Variants in PDE4DIP observed in about 807,000 individuals in gnomAD.
The protein encoded by PDE4DIP is myomegalin.
A neutral mutation model predicts 221.4 loss-of-function variants in PDE4DIP; 59 were observed. The observed-to-expected ratio is 0.27, with a 90% CI of 0.22 to 0.33. The LOEUF (loss-of-function observed/expected upper bound fraction) is 0.33. Among genes scored for constraint, PDE4DIP ranks in the 10% least tolerant of loss-of-function variants. The pLI is 1.00. For missense variants in PDE4DIP, 1,036 were observed against 2,154.2 expected, an observed-to-expected ratio of 0.48 and a Z score of 10.28; for synonymous variants, 404 against 815.9, an observed-to-expected ratio of 0.50 and a Z score of 8.60.
chr1:148,844,312 G>C (rs2150140007), intron 1 of PDE4DIP, 116 bp from the exon 1 acceptor site: 1 of 670,816 alleles, frequency 1.5e-6, no homozygotes. Flanking sequence ...GAGACGCGAG[G>C]GTGGTTCAGG....
At chr1:149,015,439 T>C (rs1216012521) in intron 32 of PDE4DIP, among the ~76,000 whole-genome samples, 2 of 152,026 alleles carry the variant, frequency 1.3e-5, no homozygotes, top group African/African-American at 2.4e-5. Context: ...CTGCTGCCCA[T>C]GTTCATAATC....
intron 1 of PDE4DIP, among the ~76,000 whole-genome samples, chr1:148,905,186 T>TTTG (rs1479681794): frequency 4.8e-5 from 7 of 145,924 alleles, no homozygotes; most frequent in Non-Finnish European, 1.1e-4. Context: ...AGGTTTTTTT[T>TTTG]TTTTTTTTTT....
chr1:148,905,183 T>C (rs1166292275), intron 1 of PDE4DIP, among the ~76,000 whole-genome samples: 2 of 145,404 alleles, frequency 1.4e-5, no homozygotes, highest in Non-Finnish European at 3.0e-5. Flanking sequence ...TCTAGGTTTT[T>C]TTTTTTTTTT....
chr1:148,827,357 C>G (rs1424226802), intron 1 of PDE4DIP, among the ~76,000 whole-genome samples: 1 of 105,120 alleles, frequency 9.5e-6, no homozygotes, highest in Non-Finnish European at 2.1e-5. Flanking sequence ...CGGATTCACG[C>G]CATTCTCCTG....
chr1:148,844,640 G>T (rs367568901), intron 1 of PDE4DIP: 6,132 of 47,716 alleles, frequency 0.13, 18 homozygotes, highest in Middle Eastern at 0.22. Context: ...CTTCGCCGCC[G>T]ACGCAGAAAG....
intron 21 of PDE4DIP, chr1:148,982,566 T>C (rs2061297770): frequency 6.6e-6 from 1 of 152,220 alleles, no homozygotes; most frequent in East Asian, 1.9e-4. Flanking sequence ...GTATTTCTGA[T>C]GTCTTGAATG....
rs374466865 is a variant in PDE4DIP at position 149,032,107 on chromosome 1, T to C, written c.*122T>C. On this transcript the variant is annotated 3_prime_UTR_variant, in exon 44 of 44. Coordinates refer to ENST00000369354, the Ensembl canonical transcript of PDE4DIP. The stretch of plus-strand genomic sequence containing the variant: ...TCTGCTGAGGAGCATCTGGGCCTCA[T>C]TCCTCCAAGTCCACGGGAGGGTCCA... 3,423 of 1,586,016 alleles carry C rather than the reference T, an allele frequency of 2.2e-3. 4 individuals are homozygous for C. Among genetic ancestry groups the C allele is most frequent in the Non-Finnish European group, 2.7e-3 (3,138 of 1,164,250 alleles).
chr1:148,933,236 C>A (rs1395734143), intron 4 of PDE4DIP, among the ~76,000 whole-genome samples: 3 of 151,852 alleles, frequency 2.0e-5, no homozygotes, highest in Admixed American at 2.0e-4. Context: ...AGGAAATATT[C>A]TATGCAGAAG....
At chr1:148,952,309 T>G (rs1229499400) in intron 5 of PDE4DIP, 12 of 1,003,708 alleles carry the variant, frequency 1.2e-5, no homozygotes, top group Non-Finnish European at 1.3e-5. Context: ...CTGACCGGAC[T>G]ACAGCTCCCA....
intron 32 of PDE4DIP, among the ~76,000 whole-genome samples, chr1:149,015,180 G>A (rs2070013307): frequency 6.6e-6 from 1 of 151,824 alleles, no homozygotes; most frequent in Non-Finnish European, 1.5e-5. Flanking sequence ...TACCTAAAAT[G>A]AATTTAAAAC....
At chr1:148,922,811 T>C (rs1321675460) in intron 1 of PDE4DIP, among the ~76,000 whole-genome samples, 1 of 150,806 alleles carries the variant, frequency 6.6e-6, no homozygotes, top group Non-Finnish European at 1.5e-5. Context: ...ATGGTCTCAT[T>C]TCCTGACCTC....
At chr1:148,895,627 AC>A (rs2038976759) in intron 1 of PDE4DIP, among the ~76,000 whole-genome samples, 1 of 108,058 alleles carries the variant, frequency 9.3e-6, no homozygotes, top group South Asian at 3.6e-4. Context: ...AAATTGAGAG[AC>A]GGCAAACTTA....
At chr1:149,016,307 A>G in exon 33 of PDE4DIP, 1 of 1,613,790 alleles carries the variant, frequency 6.2e-7, no homozygotes, top group Non-Finnish European at 8.5e-7. Flanking sequence ...AGGTGCCAGC[A>G]CTGTTCCTCC....
At chr1:148,885,885 A>G (rs1425646220), upstream of PDE4DIP, among the ~76,000 whole-genome samples, 12 of 113,498 alleles carry the variant, frequency 1.1e-4, no homozygotes, top group Admixed American at 7.5e-4. Context: ...ATACTACCAT[A>G]TATGTTATTA....
At position 148,969,031 on chromosome 1, in the gene PDE4DIP, G is replaced by A. The variant is rs1276656427; in HGVS notation, c.1980+1G>A. 6.2e-7 allele frequency: 1 copy of A among 1,603,290 alleles called. No homozygotes were observed. Among genetic ancestry groups the A allele is most frequent in the Non-Finnish European group, 8.5e-7 (1 of 1,170,326 alleles). On this transcript the variant is annotated splice_donor_variant, in intron 14 of 43. Coordinates refer to ENST00000369354, the Ensembl canonical transcript of PDE4DIP. LOFTEE classifies it high-confidence loss of function. ...GAGCACCAGGGAGCAGGAAAGCCAA[G>A]TAAGGATTAATGCACAGATCAGACA...
At chr1:148,926,853 A>G (rs1421471786) in intron 1 of PDE4DIP, among the ~76,000 whole-genome samples, 1 of 146,638 alleles carries the variant, frequency 6.8e-6, no homozygotes, top group South Asian at 2.2e-4. Context: ...TTACTGATTC[A>G]TCAATTGGTA....
intron 5 of PDE4DIP, chr1:148,951,902 G>A: frequency 2.7e-6 from 1 of 374,370 alleles, no homozygotes; most frequent in Non-Finnish European, 3.7e-6. Flanking sequence ...CCGTTACCAA[G>A]CCTTCCCTCG....
At chr1:148,979,939 G>T in intron 20 of PDE4DIP, 90 bp downstream of exon 23, 1 of 1,476,032 alleles carries the variant, frequency 6.8e-7, no homozygotes, top group Non-Finnish European at 9.2e-7. Flanking sequence ...TTCATTAAGT[G>T]CAGATGCTTA....
chr1:148,952,224 C>T, intron 5 of PDE4DIP: 1 of 1,022,204 alleles, frequency 9.8e-7, no homozygotes, highest in Non-Finnish European at 1.2e-6. Flanking sequence ...CCGCACTCGC[C>T]GTGAGCCAGG....
Sources: gnomAD v4.1 joint callset for allele counts (sites outside exome capture counted in the v4.1 genomes callset) on GRCh38, gnomAD v4.1.1 for gene constraint, MANE v1.5 for transcripts, NCBI Gene and HGNC (gene_info 2026-07-23, HGNC 2026-07-21) for gene names.